The following CACNA1B variants were observed in gnomAD, a reference collection of about 807,000 sequenced individuals.
CACNA1B encodes calcium voltage-gated channel subunit alpha1 B.
CACNA1B carries 70 observed loss-of-function variants against 247.2 expected under a neutral mutation model. That is an observed-to-expected ratio of 0.28 (90% CI 0.23 to 0.35). CACNA1B has a LOEUF of 0.35. CACNA1B is among the 10% of genes least tolerant of loss of function. The pLI is 1.00. For missense variants in CACNA1B, 2,367 were observed against 3,197.4 expected (o/e 0.74, Z 6.26); for synonymous variants, 1,231 against 1,294.4 (o/e 0.95, Z 1.05).
At chr9:138,067,030 G>GA (rs1959944009) in intron 31 of CACNA1B, among the ~76,000 whole-genome samples, 3 of 152,200 alleles carry the variant, frequency 2.0e-5, no homozygotes, top group African/African-American at 4.8e-5. Flanking sequence ...TAAGGCAGGG[G>GA]AGAGGGGTCA....
chr9:137,899,322 A>T lies in CACNA1B; in HGVS notation c.531-13858A>T, dbSNP rs948092308. On this transcript the variant is annotated intron_variant, in intron 3 of 46. Transcript: ENST00000371372. The surrounding 1 kb of genome is among the most constrained non-coding windows in gnomAD (Gnocchi z 5.0). ...TGGCCAGGCTGGTCTCGAACTCCTG[A>T]TCTCAGATGATCCACCTGTCTTGGC... Among the ~76,000 whole-genome samples, 2 of 151,686 alleles carry T rather than the reference A, an allele frequency of 1.3e-5. No individual in the cohort carries two copies. The highest frequency in any genetic ancestry group is 4.8e-5 in the African/African-American group (2 of 41,244).
At chr9:138,004,268 C>T (rs1348127260) in intron 15 of CACNA1B, among the ~76,000 whole-genome samples, 2 of 152,030 alleles carry the variant, frequency 1.3e-5, no homozygotes, top group African/African-American at 2.4e-5. Flanking sequence ...CATGGAGAGC[C>T]GGGTGCAGTG....
At chr9:137,999,247 TAA>T (rs1410637758) in intron 15 of CACNA1B, among the ~76,000 whole-genome samples, 3 of 83,800 alleles carry the variant, frequency 3.6e-5, no homozygotes, top group East Asian at 1.6e-3. Flanking sequence ...AAATAAAAAA[TAA>T]AAAATGAATA....
chr9:137,987,162 G>A (rs1958373982), intron 15 of CACNA1B, among the ~76,000 whole-genome samples: 1 of 152,188 alleles, frequency 6.6e-6, no homozygotes, highest in South Asian at 2.1e-4. Flanking sequence ...TAGCTCCTGA[G>A]ACTTGCATGC....
Position 137,916,859 on chromosome 9 carries a change from G to A in CACNA1B, c.776-382G>A, listed in dbSNP as rs187413365. On this transcript the variant is annotated intron_variant, in intron 5 of 46. Transcript: ENST00000371372. ...AGGGAGGCAGTTTGGCTGTGAGGGA[G>A]AGGAACGATCAGCGTGGCGGTTTGG... Among the ~76,000 whole-genome samples the A allele has an allele frequency of 3.5e-3, 492 of 141,408 alleles. 5 individuals carry two copies. Among genetic ancestry groups the A allele is most frequent in the African/African-American group, 0.012 (468 of 38,520 alleles). The allele number at this position is 141,408 out of a possible 152,430, so 92.8% of individuals were successfully genotyped here.
At chr9:137,983,241 A>G (rs1958315128) in intron 12 of CACNA1B, among the ~76,000 whole-genome samples, 1 of 152,248 alleles carries the variant, frequency 6.6e-6, no homozygotes, top group Non-Finnish European at 1.5e-5. Flanking sequence ...TGTGGCTTAG[A>G]GGAAATGAGA....
At chr9:137,904,687 C>T (rs2133263967) in intron 3 of CACNA1B, among the ~76,000 whole-genome samples, 1 of 152,194 alleles carries the variant, frequency 6.6e-6, no homozygotes, top group African/African-American at 2.4e-5. Context: ...CCTCCTCCTG[C>T]TGTCCCCTCA....
intron 3 of CACNA1B, among the ~76,000 whole-genome samples, chr9:137,898,969 A>G (rs947034404): frequency 1.3e-5 from 2 of 151,902 alleles, no homozygotes; most frequent in Non-Finnish European, 2.9e-5. Flanking sequence ...ATGGAGTCTA[A>G]CTATGTTGCC....
At position 138,099,634 on chromosome 9, in the gene CACNA1B, ATG is replaced by A. The variant is rs1961186230; in HGVS notation, c.5222+3026_5222+3027del. Among the ~76,000 whole-genome samples, 3 of 139,762 alleles carry A rather than the reference ATG, an allele frequency of 2.1e-5. No homozygotes were observed. In the East Asian group the frequency reaches 6.4e-4, roughly 30 times the overall value. 91.7% of individuals were successfully genotyped at this position (139,762 alleles called of 152,430 possible). On this transcript the variant is annotated intron_variant, in intron 37 of 46. Transcript: ENST00000371372. ...TGGTGTACTCGTGCCTGTGGTGTGC[ATG>A]TGCCTGTGGTGTGCATGTGCCTGTG...
chr9:137,917,176 C>T lies in CACNA1B; in HGVS notation c.776-65C>T. 1 of 1,469,238 alleles carries T rather than the reference C, an allele frequency of 6.8e-7. No individual in the cohort carries two copies. The highest frequency in any genetic ancestry group is 1.3e-5 in the South Asian group (1 of 77,672). The allele number at this position is 1,469,238 out of a possible 1,614,324, so 91.0% of individuals were successfully genotyped here. A position where few individuals can be genotyped will look rare whatever the true frequency, so the allele number is the denominator to read the frequency against. On this transcript the variant is annotated intron_variant, in intron 5 of 46. Coordinates refer to ENST00000371372, the MANE Select transcript of CACNA1B (RefSeq NM_000718.4). The surrounding 1 kb of genome is among the most constrained non-coding windows in gnomAD (Gnocchi z 5.5). ...TGTGAGCTCTCCAGAGCCCAGGAAT[C>T]CTGGTGGGGATTGGAGAGCTTGGTA...
Position 137,976,028 on chromosome 9 carries a change from G to C in CACNA1B, c.1656+9G>C, listed in dbSNP as rs779266575. 6.5e-7 allele frequency: 1 copy of C among 1,535,098 alleles called. No individual in the cohort carries two copies. The highest frequency in any genetic ancestry group is 2.2e-5 in the East Asian group (1 of 44,504). ...ACTGCTTCGACTTTGGGGTGAGTGA[G>C]AGGCCTGATCAGGGGCCCAGGCTGT... On this transcript the variant is annotated intron_variant, in intron 12 of 46. Transcript: ENST00000371372.
chr9:138,051,279 T>C lies in CACNA1B; in HGVS notation c.3711-813T>C, dbSNP rs539115667. On this transcript the variant is annotated intron_variant, in intron 24 of 46. Coordinates refer to ENST00000371372, the MANE Select transcript of CACNA1B (RefSeq NM_000718.4). The surrounding 1 kb of genome is among the most constrained non-coding windows in gnomAD (Gnocchi z 4.3). The stretch of plus-strand genomic sequence containing the variant: ...ACAGGTAGAGGCAGCTGCCTGGGTC[T>C]GTCCTGGCTTTTTCTTGGAGGGGCC... 5.9e-5 allele frequency among the ~76,000 whole-genome samples: 9 copies of C among 152,172 alleles called. No individual in the cohort carries two copies. The South Asian group carries it at 1.9e-3, about 32-fold the overall frequency.
chr9:137,925,458 C>A (rs950126569), intron 6 of CACNA1B, among the ~76,000 whole-genome samples: 14 of 152,152 alleles, frequency 9.2e-5, no homozygotes, highest in Non-Finnish European at 1.8e-4. Context: ...TAGGCAGCAA[C>A]CTTTGCTATG....
Position 138,118,691 on chromosome 9 carries a change from C to T in CACNA1B, c.5953C>T (p.Pro1985Ser), listed in dbSNP as rs1471014095. 13 of 1,566,530 alleles carry T rather than the reference C, an allele frequency of 8.3e-6. No homozygotes were observed. In the East Asian group the frequency reaches 9.4e-5, roughly 11 times the overall value. The change falls in exon 44 of 47, where the codon CCT becomes TCT. Residue 1985 changes from proline (P) to serine (S), a missense_variant. Physicochemically the swap from Pro to Ser is moderately conservative, Grantham distance 74 (BLOSUM62 -1). This residue lies in a region of CACNA1B where 773 missense variants were observed against 779.4 expected (regional missense o/e 0.99). Transcript: ENST00000371372. ...GATGCAGAGCATAACCCGGAGGGGC[C>T]CTGATGGGGAGCCCCAGCCTGGGCT... ...VQMQSITRRG[P>S]DGEPQPGLES...
intron 31 of CACNA1B, among the ~76,000 whole-genome samples, chr9:138,064,570 A>G (rs1268754273): frequency 6.6e-6 from 1 of 152,244 alleles, no homozygotes; most frequent in African/African-American, 2.4e-5. Context: ...TGCCTCTAGG[A>G]ATGCCATGGC....
chr9:138,017,281 G>A, intron 18 of CACNA1B: 1 of 493,524 alleles, frequency 2.0e-6, no homozygotes, highest in South Asian at 1.5e-5. Flanking sequence ...TCCTAACTCT[G>A]CTATCTCACC....
rs199627781 is a variant in CACNA1B at position 138,122,289 on chromosome 9, G to C, written c.*290G>C. On this transcript the variant is annotated 3_prime_UTR_variant, in exon 47 of 47. Transcript: ENST00000371372. The stretch of plus-strand genomic sequence containing the variant: ...GTGTGTGGCTGAGAAGGACCCAGGA[G>C]TCCAAATCCCGTGTCCTGGGACTCA... The C allele has an allele frequency of 6.3e-6, 3 of 476,854 alleles. No homozygotes were observed. Among genetic ancestry groups the C allele is most frequent in the Non-Finnish European group, 7.5e-6 (2 of 265,420 alleles). 29.5% of individuals were successfully genotyped at this position (476,854 alleles called of 1,614,324 possible).
chr9:137,900,140 C>T (rs1385405773), intron 3 of CACNA1B, among the ~76,000 whole-genome samples: 2 of 152,174 alleles, frequency 1.3e-5, no homozygotes, highest in East Asian at 1.9e-4. Context: ...CTGGGGTGTG[C>T]CCCAGAAGCT....
intron 6 of CACNA1B, among the ~76,000 whole-genome samples, chr9:137,951,333 G>A (rs570724811): frequency 9.8e-5 from 15 of 152,330 alleles, no homozygotes; most frequent in African/African-American, 3.1e-4. Flanking sequence ...CTGCAAATCC[G>A]CCAGGCTGGC....
Sources: gnomAD v4.1 joint callset for allele counts (sites outside exome capture counted in the v4.1 genomes callset) on GRCh38, gnomAD v4.1.1 for gene constraint, gnomAD v4.1.1 regional missense constraint, Gnocchi (gnomAD v3.1) non-coding constraint, MANE v1.5 for transcripts, NCBI Gene and HGNC (gene_info 2026-07-23, HGNC 2026-07-21) for gene names.